RNGTT: variants seen among roughly 807,000 people sequenced by gnomAD.
RNGTT encodes the protein mRNA-capping enzyme.
In RNGTT, 33 loss-of-function variants were observed where a neutral mutation model predicts 79.3. That is an observed-to-expected ratio of 0.42 (90% CI 0.32 to 0.56). The LOEUF is 0.56. RNGTT is among the 20% of genes least tolerant of loss of function. The pLI is 0.17. For missense variants in RNGTT, 497 were observed against 739.1 expected (o/e 0.67, Z 3.80); for synonymous variants, 222 against 235.9 (o/e 0.94, Z 0.54).
In RNGTT at chr6:88,854,027, C is replaced by A. The variant is rs112676754; in HGVS notation, c.897-263G>T. On this transcript the variant is annotated intron_variant, in intron 8 of 15. Coordinates refer to ENST00000369485, the MANE Select transcript of RNGTT (RefSeq NM_003800.5). ...GCAACCTCCGCCTCCCAGGTTCAAG[C>A]AATTCTTGTGCCTCAGCCTCCAGAG... 9.1e-3 allele frequency among the ~76,000 whole-genome samples: 1,383 copies of A among 151,880 alleles called. 23 individuals are homozygous for A. The highest frequency in any genetic ancestry group is 0.03 in the African/African-American group (1,252 of 41,418).
In RNGTT at chr6:88,930,181, T is replaced by C. The variant is rs1029260712; in HGVS notation, c.175-914A>G. On this transcript the variant is annotated intron_variant, in intron 2 of 15. Coordinates refer to ENST00000369485, the MANE Select transcript of RNGTT (RefSeq NM_003800.5). ...ACATATATACATATACATATATGTA[T>C]ATACATATATACATAAACATATATA... Among the ~76,000 whole-genome samples the C allele has an allele frequency of 4.0e-5, 6 of 148,276 alleles. No individual in the cohort carries two copies. The East Asian group carries it at 9.8e-4, about 24-fold the overall frequency.
At chr6:88,697,878 A>C (rs999324528) in intron 13 of RNGTT, among the ~76,000 whole-genome samples, 6 of 114,536 alleles carry the variant, frequency 5.2e-5, no homozygotes, top group Admixed American at 2.5e-4. Flanking sequence ...CTTGGAAAAA[A>C]ATATATATAT....
intron 6 of RNGTT, among the ~76,000 whole-genome samples, chr6:88,900,006 C>T (rs1386620541): frequency 2.6e-5 from 4 of 152,092 alleles, no homozygotes; most frequent in Admixed American, 2.6e-4. Context: ...AGATATTCTG[C>T]TCCTAATTCT....
chr6:88,955,023 A>G (rs1582175856), intron 1 of RNGTT, among the ~76,000 whole-genome samples: 1 of 152,132 alleles, frequency 6.6e-6, no homozygotes, highest in Non-Finnish European at 1.5e-5. Context: ...GTACCATTGC[A>G]TTCCAGCCTG....
chr6:88,907,214 C>T (rs1262522857), intron 4 of RNGTT, among the ~76,000 whole-genome samples: 1 of 152,066 alleles, frequency 6.6e-6, no homozygotes, highest in Non-Finnish European at 1.5e-5. Flanking sequence ...GCTCTGTGTC[C>T]CCGTCCAAAT....
At chr6:88,653,087 T>C (rs1039698961) in intron 14 of RNGTT, among the ~76,000 whole-genome samples, 9 of 152,168 alleles carry the variant, frequency 5.9e-5, no homozygotes, top group African/African-American at 2.2e-4. Context: ...GTTATTAGTG[T>C]CTCTGAAATT....
intron 13 of RNGTT, among the ~76,000 whole-genome samples, chr6:88,722,629 G>C (rs928839169): frequency 6.6e-6 from 1 of 152,180 alleles, no homozygotes; most frequent in Non-Finnish European, 1.5e-5. Context: ...CCTAGTCTTA[G>C]GGCAACCTTA....
Position 88,698,246 on chromosome 6 carries a change from GAA to G in RNGTT, c.1440-19829_1440-19828del, listed in dbSNP as rs1483535794. ...TCATATATATATGAAATATATATATGAAATATATATATAAATATATATGATAT... is the reference window on the plus strand; with the variant it reads ...TCATATATATATGAAATATATATATGATATATATATAAATATATATGATAT... On this transcript the variant is annotated intron_variant, in intron 13 of 15. Transcript: ENST00000369485. Among the ~76,000 whole-genome samples, 6 of 86,056 alleles carry G rather than the reference GAA, an allele frequency of 7.0e-5. No homozygotes were observed. In the African/African-American group the frequency reaches 8.1e-4, roughly 12 times the overall value. 56.5% of individuals were successfully genotyped at this position (86,056 alleles called of 152,430 possible).
intron 4 of RNGTT, among the ~76,000 whole-genome samples, chr6:88,910,700 C>G (rs1783803140): frequency 2.0e-5 from 3 of 152,118 alleles, no homozygotes. Flanking sequence ...TCAGACTTTC[C>G]AAGGTCTATG....
chr6:88,809,196 A>G (rs1208747817), intron 11 of RNGTT, among the ~76,000 whole-genome samples: 1 of 152,192 alleles, frequency 6.6e-6, no homozygotes, highest in East Asian at 1.9e-4. Context: ...AGTCTGTAAC[A>G]ATCTTAAATG....
chr6:88,932,527 C>T (rs1451607898), intron 2 of RNGTT, among the ~76,000 whole-genome samples: 3 of 152,144 alleles, frequency 2.0e-5, no homozygotes, highest in African/African-American at 4.8e-5. Context: ...GGGGGCATCA[C>T]GGAACCTGCT....
At chr6:88,925,521 A>G (rs1784291677) in intron 4 of RNGTT, among the ~76,000 whole-genome samples, 1 of 151,742 alleles carries the variant, frequency 6.6e-6, no homozygotes, top group South Asian at 2.1e-4. Context: ...TGAGCCCTGC[A>G]GACAGAGGTT....
intron 11 of RNGTT, among the ~76,000 whole-genome samples, chr6:88,829,417 A>G (rs566717975): frequency 2.0e-5 from 3 of 152,200 alleles, no homozygotes; most frequent in African/African-American, 7.2e-5. Context: ...ACCACTGCAA[A>G]AACATACCAA....
intron 14 of RNGTT, among the ~76,000 whole-genome samples, chr6:88,653,511 C>G (rs1039216676): frequency 6.6e-6 from 1 of 152,118 alleles, no homozygotes; most frequent in East Asian, 1.9e-4. Flanking sequence ...ACAAAATCTA[C>G]ATTCCAAATA....
At chr6:88,938,263 T>C (rs1784732820) in intron 2 of RNGTT, among the ~76,000 whole-genome samples, 1 of 152,188 alleles carries the variant, frequency 6.6e-6, no homozygotes. Context: ...GCCAAACTGA[T>C]CCTTTTATCA....
chr6:88,708,617 C>T (rs1277810387), intron 13 of RNGTT, among the ~76,000 whole-genome samples: 1 of 152,164 alleles, frequency 6.6e-6, no homozygotes, highest in Non-Finnish European at 1.5e-5. Flanking sequence ...TGAAATCTGT[C>T]ACCACGCTGG....
chr6:88,746,240 A>C (rs748595126), intron 13 of RNGTT, among the ~76,000 whole-genome samples: 3 of 151,636 alleles, frequency 2.0e-5, no homozygotes, highest in Admixed American at 2.0e-4. Flanking sequence ...TTCACAACCA[A>C]CTGGCTGCTC....
intron 12 of RNGTT, among the ~76,000 whole-genome samples, chr6:88,786,862 T>C (rs1193742445): frequency 6.6e-6 from 1 of 152,170 alleles, no homozygotes; most frequent in East Asian, 1.9e-4. Context: ...GTGGGACCTT[T>C]GGGAGGTGAT....
intron 13 of RNGTT, among the ~76,000 whole-genome samples, chr6:88,717,474 G>A (rs71556305): frequency 6.6e-6 from 1 of 152,114 alleles, no homozygotes; most frequent in Admixed American, 6.5e-5. Flanking sequence ...ACTCTTCTTA[G>A]GTTATGCATA....
Sources: allele counts gnomAD v4.1 joint callset (sites outside exome capture counted in the v4.1 genomes callset), GRCh38; gene constraint gnomAD v4.1.1; transcripts MANE v1.5; gene names NCBI Gene and HGNC (gene_info 2026-07-23, HGNC 2026-07-21).